ESR1: variants seen among roughly 807,000 people sequenced by gnomAD.
ESR1 encodes estrogen receptor 1, also known as estrogen receptor.
A neutral mutation model predicts 52.7 loss-of-function variants in ESR1; 12 were observed. That is an observed-to-expected ratio of 0.23 (90% CI 0.15 to 0.37). The LOEUF (loss-of-function observed/expected upper bound fraction) is 0.37, where lower values mean the gene tolerates loss of function less well. ESR1 is among the 10% of genes least tolerant of loss of function. The pLI is 1.00. For synonymous variants in ESR1, 305 were observed against 316.8 expected (o/e 0.96, Z 0.39); for missense variants, 584 against 779.7 (o/e 0.75, Z 2.99).
chr6:151,697,821 G>T (rs1270974982), intron 1 of ESR1, among the ~76,000 whole-genome samples: 1 of 152,150 alleles, frequency 6.6e-6, no homozygotes, highest in Non-Finnish European at 1.5e-5. Context: ...TTTAAGGGCT[G>T]GGTGTGGTGG....
intron 4 of ESR1, among the ~76,000 whole-genome samples, chr6:151,968,675 C>G (rs2038563881): frequency 6.6e-6 from 1 of 152,140 alleles, no homozygotes; most frequent in Non-Finnish European, 1.5e-5. Context: ...AAATGGGAGT[C>G]AAGGTGACTC....
At chr6:151,750,696 T>C (rs1489335942) in intron 2 of ESR1, among the ~76,000 whole-genome samples, 1 of 152,156 alleles carries the variant, frequency 6.6e-6, no homozygotes. Flanking sequence ...TTCAGACAGA[T>C]TTTGTATTTT....
intron 6 of ESR1, chr6:152,122,433 A>G (rs773909910): frequency 1.2e-6 from 2 of 1,614,130 alleles, no homozygotes. Context: ...GCATCTGCTT[A>G]GTTCAGAGTG....
chr6:151,827,376 A>C (rs867967907), intron 1 of ESR1, among the ~76,000 whole-genome samples: 2 of 151,566 alleles, frequency 1.3e-5, no homozygotes, highest in Middle Eastern at 3.2e-3. Context: ...GAAAAAAGAA[A>C]AAAAAAGAAG....
chr6:151,867,349 T>G (rs1237323806), intron 2 of ESR1, among the ~76,000 whole-genome samples: 1 of 150,824 alleles, frequency 6.6e-6, no homozygotes, highest in African/African-American at 2.4e-5. Context: ...TGGGAGAAAA[T>G]TTTTGCAATC....
intron 2 of ESR1, among the ~76,000 whole-genome samples, chr6:151,864,342 C>T (rs1789450052): frequency 6.6e-6 from 1 of 152,144 alleles, no homozygotes; most frequent in African/African-American, 2.4e-5. Flanking sequence ...AAAAAATGCT[C>T]ATCATCATTG....
chr6:152,103,980 C>CTTTTTTTTTTTTTTTTTTTTTTTTTTTT (rs369261779), downstream of ESR1, among the ~76,000 whole-genome samples: 2 of 93,884 alleles, frequency 2.1e-5, 1 homozygote, highest in Non-Finnish European at 3.9e-5. Context: ...TTCATTCTAC[C>CTTTTTTTTTTTTTTTTTTTTTTTTTTTT]TTTTTTTTTT....
intron 2 of ESR1, among the ~76,000 whole-genome samples, chr6:151,847,663 G>A (rs1164022444): frequency 1.5e-5 from 2 of 131,602 alleles, no homozygotes; most frequent in Non-Finnish European, 3.2e-5. Context: ...TGAGTAGGTT[G>A]CGAAAATTTT....
chr6:151,850,012 G>T (rs2042180), intron 2 of ESR1, among the ~76,000 whole-genome samples: 2,430 of 41,868 alleles, frequency 0.058, 109 homozygotes, highest in African/African-American at 0.078. Flanking sequence ...ATATAATTTT[G>T]TATATATATA....
At chr6:151,740,658 G>A (rs190775728) in intron 2 of ESR1, among the ~76,000 whole-genome samples, 10 of 151,844 alleles carry the variant, frequency 6.6e-5, no homozygotes, top group African/African-American at 1.7e-4. Flanking sequence ...TTTTTGTAAC[G>A]GAGCAAAATA....
chr6:151,671,906 T>C (rs1360056079), intron 1 of ESR1, among the ~76,000 whole-genome samples: 2 of 152,128 alleles, frequency 1.3e-5, no homozygotes, highest in East Asian at 3.9e-4. Flanking sequence ...ACAGGGGAAT[T>C]GCTCGAACCC....
At chr6:151,701,389 C>T (rs977534803) in intron 1 of ESR1, among the ~76,000 whole-genome samples, 2 of 151,374 alleles carry the variant, frequency 1.3e-5, no homozygotes, top group Admixed American at 6.6e-5. Flanking sequence ...AGCTGGCGGG[C>T]GTGGTGGTGT....
At chr6:151,848,539 C>T (rs948073890) in intron 2 of ESR1, among the ~76,000 whole-genome samples, 13 of 151,372 alleles carry the variant, frequency 8.6e-5, no homozygotes, top group African/African-American at 3.2e-4. Context: ...GGGACTCACT[C>T]TTGTTCACTT....
intron 5 of ESR1, among the ~76,000 whole-genome samples, chr6:152,059,661 A>G (rs1348646928): frequency 6.6e-6 from 1 of 152,188 alleles, no homozygotes; most frequent in African/African-American, 2.4e-5. Flanking sequence ...CAATGTTTGA[A>G]CTATCAAAAT....
Position 151,897,036 on chromosome 6 carries a change from C to T in ESR1, c.760+16265C>T, listed in dbSNP as rs1456042539. On this transcript the variant is annotated intron_variant, in intron 3 of 7. Coordinates refer to ENST00000206249, the MANE Select transcript of ESR1 (RefSeq NM_000125.4). ...ATTTCCAGTTTTATTCCACTGTGGA[C>T]TGAGAGAGTAGTTGACATAGTTTTA... Among the ~76,000 whole-genome samples the T allele has an allele frequency of 3.3e-5, 5 of 152,106 alleles. No homozygotes were observed. In the East Asian group the frequency reaches 7.7e-4, roughly 23 times the overall value.
chr6:151,875,161 G>A (rs979164345), intron 2 of ESR1, among the ~76,000 whole-genome samples: 1 of 152,196 alleles, frequency 6.6e-6, no homozygotes, highest in South Asian at 2.1e-4. Flanking sequence ...TGGCTTCATG[G>A]ATCCCTTCCT....
chr6:151,782,768 A>G (rs1786668764), intron 2 of ESR1, among the ~76,000 whole-genome samples: 1 of 152,232 alleles, frequency 6.6e-6, no homozygotes, highest in Non-Finnish European at 1.5e-5. Flanking sequence ...TGGACAATTA[A>G]GTGCTGGCCA....
chr6:151,931,055 A>G (rs2033524172), intron 3 of ESR1, among the ~76,000 whole-genome samples: 1 of 151,526 alleles, frequency 6.6e-6, no homozygotes, highest in African/African-American at 2.4e-5. Context: ...TCTTCTTGAT[A>G]CTCCCTGAGC....
At chr6:151,920,562 T>C (rs1369298691) in intron 3 of ESR1, among the ~76,000 whole-genome samples, 1 of 152,174 alleles carries the variant, frequency 6.6e-6, no homozygotes, top group Admixed American at 6.5e-5. Context: ...GGATATGGTA[T>C]GTATAGTTGT....
Sources: gnomAD v4.1 joint callset for allele counts (sites outside exome capture counted in the v4.1 genomes callset) on GRCh38, gnomAD v4.1.1 for gene constraint, MANE v1.5 for transcripts, NCBI Gene and HGNC (gene_info 2026-07-23, HGNC 2026-07-21) for gene names.